The following ADGRG4 variants were observed in gnomAD, a reference collection of about 807,000 sequenced individuals.
ADGRG4 encodes G protein-coupled receptor 112.
A neutral mutation model predicts 126.2 loss-of-function variants in ADGRG4; 122 were observed. The observed-to-expected ratio is 0.97, with a 90% CI of 0.83 to 1.12. ADGRG4 has a LOEUF of 1.12. Ranked by LOEUF, ADGRG4 falls within the 50% of genes most tolerant of loss-of-function variation. The pLI, the probability that ADGRG4 is intolerant of heterozygous loss-of-function variation, is 0.00. For synonymous variants in ADGRG4, 943 were observed against 838.7 expected (o/e 1.12, Z -2.15); for missense variants, 2,481 against 2,251.8 (o/e 1.10, Z -2.06).
intron 13 of ADGRG4, among the ~76,000 whole-genome samples, chrX:136,364,273 G>A (rs917988027): frequency 9.0e-6 from 1 of 111,059 alleles, no homozygotes; most frequent in Non-Finnish European, 1.9e-5. Flanking sequence ...ACTATCCACA[G>A]AGATATTTTA....
chrX:136,403,156 T>C (rs1434213744), intron 21 of ADGRG4, 88 bp from the exon 22 acceptor site: 1 of 644,315 alleles, frequency 1.6e-6, no homozygotes, highest in Non-Finnish European at 2.6e-6. Context: ...ATTTAAACAG[T>C]GTCTTAATGT....
chrX:136,313,564 G>A (rs2074786937), intron 4 of ADGRG4, among the ~76,000 whole-genome samples: 1 of 111,848 alleles, frequency 8.9e-6, no homozygotes, highest in Non-Finnish European at 1.9e-5. Flanking sequence ...TAGCACATTT[G>A]TCTAGCATAG....
At position 136,348,154 on chromosome X, in the gene ADGRG4, A is replaced by G; in HGVS notation, c.4448A>G (p.Asp1483Gly). 3 of 1,209,580 alleles carry G rather than the reference A, an allele frequency of 2.5e-6. No individual in the cohort carries two copies. In the Admixed American group the frequency reaches 6.5e-5, roughly 26 times the overall value. ...AATGACGGTTTTACAGTTCTCTCCGACAGGATCACTACAGCCTTTTCTGTT... is the reference window on the plus strand; with the variant it reads ...AATGACGGTTTTACAGTTCTCTCCGGCAGGATCACTACAGCCTTTTCTGTT... The part of the protein sequence containing the change: ...LYNDGFTVLS[D>G]RITTAFSVPN... Residue 1483 changes from aspartate (D) to glycine (G), a missense_variant, in exon 6 of 26, where the codon GAC becomes GGC. Coordinates refer to ENST00000394143, the MANE Select transcript of ADGRG4 (RefSeq NM_153834.4).
At chrX:136,329,001 T>C (rs1391665984) in intron 5 of ADGRG4, among the ~76,000 whole-genome samples, 2 of 111,243 alleles carry the variant, frequency 1.8e-5, no homozygotes, top group Non-Finnish European at 3.8e-5. Flanking sequence ...GCAGCATTCG[T>C]TTTTCATGCT....
chrX:136,354,815 G>A (rs775901460), intron 8 of ADGRG4, among the ~76,000 whole-genome samples: 2 of 111,633 alleles, frequency 1.8e-5, no homozygotes, highest in East Asian at 5.6e-4. Context: ...CAGAAGATAC[G>A]AATGAAGAGA....
In ADGRG4 at chrX:136,323,368, A is replaced by G. The variant is rs145079154; in HGVS notation, c.661A>G (p.Thr221Ala). Residue 221 changes from threonine (T) to alanine (A), a missense_variant, in exon 5 of 26, where the codon ACT (threonine) becomes GCT (alanine). Physicochemically the swap from Thr to Ala is moderately conservative, Grantham distance 58. Transcript: ENST00000394143. ...CTGGCTTGTCAACAAGATCATCCCA[A>G]CTGTTGACAGGACACTGCGCTGCTG... ...DVWLVNKIIP[T>A]VDRTLRCFVP... is the part of the protein sequence containing the mutation. 177 of 1,206,729 alleles carry G rather than the reference A, an allele frequency of 1.5e-4. No homozygotes were observed. Among genetic ancestry groups the G allele is most frequent in the Non-Finnish European group, 1.5e-4 (133 of 893,642 alleles).
chrX:136,353,560 A>G (rs1261715457), intron 8 of ADGRG4, among the ~76,000 whole-genome samples, 159 bp downstream of exon 8: 1 of 111,338 alleles, frequency 9.0e-6, no homozygotes, highest in African/African-American at 3.3e-5. Flanking sequence ...TGGCATGAGG[A>G]AAAAAATTGT....
intron 15 of ADGRG4, among the ~76,000 whole-genome samples, chrX:136,374,316 T>A (rs1453692631): frequency 8.9e-6 from 1 of 111,804 alleles, no homozygotes; most frequent in East Asian, 2.8e-4. Context: ...TTATGAATAA[T>A]CCTGCTATGA....
chrX:136,395,975 A>C (rs2075344854), intron 19 of ADGRG4, among the ~76,000 whole-genome samples: 1 of 111,610 alleles, frequency 9.0e-6, no homozygotes, highest in African/African-American at 3.3e-5. Context: ...TAACACAATA[A>C]ATTTAACTAA....
chrX:136,411,783 T>A (rs1407840992), intron 23 of ADGRG4, among the ~76,000 whole-genome samples: 1 of 112,304 alleles, frequency 8.9e-6, no homozygotes, highest in Admixed American at 9.4e-5. Flanking sequence ...GGTTGTGGAC[T>A]GGAAGCCTCA....
intron 11 of ADGRG4, among the ~76,000 whole-genome samples, chrX:136,359,671 C>T (rs1006964844): frequency 3.6e-5 from 4 of 110,777 alleles, no homozygotes; most frequent in Admixed American, 2.9e-4. Context: ...CCAGAGACTG[C>T]TGGTCAGCTC....
chrX:136,377,167 C>CTTTTTTTT (rs1184343263), intron 15 of ADGRG4, among the ~76,000 whole-genome samples: 356 of 48,572 alleles, frequency 7.3e-3, no homozygotes, highest in Middle Eastern at 0.05. Context: ...GTTTTCTTTC[C>CTTTTTTTT]TTTTTTTTTT....
intron 15 of ADGRG4, among the ~76,000 whole-genome samples, chrX:136,383,512 T>A (rs927458992): frequency 8.9e-6 from 1 of 112,146 alleles, no homozygotes; most frequent in Non-Finnish European, 1.9e-5. Flanking sequence ...ATATTTTATA[T>A]TCATTTGCTT....
chrX:136,385,828 T>C (rs1301076269), intron 15 of ADGRG4, among the ~76,000 whole-genome samples: 1 of 112,151 alleles, frequency 8.9e-6, no homozygotes, highest in Non-Finnish European at 1.9e-5. Context: ...TTAATTCCTT[T>C]ATTCTTAGTG....
At chrX:136,373,281 C>G (rs1312429769) in intron 15 of ADGRG4, among the ~76,000 whole-genome samples, 1 of 111,896 alleles carries the variant, frequency 8.9e-6, no homozygotes, top group African/African-American at 3.2e-5. Context: ...CACCTTTGGC[C>G]CTGTGACCCC....
rs778979077 is a variant in ADGRG4 at position 136,376,528 on chromosome X, T to C, written c.7776+3464T>C. ...GATTCTTTCCATCATGAGCAAGGGA[T>C]GTGTTTCCATTTGTTTGTGTCATCT... On this transcript the variant is annotated intron_variant, in intron 15 of 25. Transcript: ENST00000394143. Among the ~76,000 whole-genome samples, 121 of 112,082 alleles carry C rather than the reference T, an allele frequency of 1.1e-3. 2 individuals carry two copies. Among genetic ancestry groups the C allele is most frequent in the African/African-American group, 3.8e-3 (116 of 30,905 alleles).
At chrX:136,397,080 C>T (rs1327719833) in intron 19 of ADGRG4, among the ~76,000 whole-genome samples, 1 of 111,259 alleles carries the variant, frequency 9.0e-6, no homozygotes, top group African/African-American at 3.3e-5. Context: ...TGAGCCACCC[C>T]GCCCGGCCCC....
rs2075406520 is a variant in ADGRG4 at position 136,405,983 on chromosome X, C to CT, written c.8935+17dup. 15 of 1,124,556 alleles carry CT rather than the reference C, an allele frequency of 1.3e-5. No individual in the cohort carries two copies. Among genetic ancestry groups the CT allele is most frequent in the African/African-American group, 1.1e-4 (6 of 54,706 alleles). 92.7% of individuals were successfully genotyped at this position (1,124,556 alleles called of 1,213,427 possible). On this transcript the variant is annotated intron_variant, in intron 23 of 25. Transcript: ENST00000394143. ...TTAACACTTTGCAAGGTAACTGGTGCTTTTTTGCCTTTTCTGTGGCCAGCT... is the reference window on the plus strand; with the variant it reads ...TTAACACTTTGCAAGGTAACTGGTGCTTTTTTTGCCTTTTCTGTGGCCAGCT...
At position 136,371,581 on chromosome X, in the gene ADGRG4, A is replaced by T. The variant is rs781749371; in HGVS notation, c.7613+37A>T. 340 of 851,929 alleles carry T rather than the reference A, an allele frequency of 4.0e-4. 1 individual carries two copies. Among genetic ancestry groups the T allele is most frequent in the Non-Finnish European group, 4.2e-4 (260 of 616,182 alleles). The allele number at this position is 851,929 out of a possible 1,213,427, so 70.2% of individuals were successfully genotyped here. A position where few individuals can be genotyped will look rare whatever the true frequency, so the allele number is the denominator to read the frequency against. On this transcript the variant is annotated intron_variant, in intron 14 of 25. Coordinates refer to ENST00000394143, the MANE Select transcript of ADGRG4 (RefSeq NM_153834.4). ...TACTTTGGTGAAAGACATTATTTTTAAAAAATTTAAAATGCAGACGGCCCT... is the reference window on the plus strand; with the variant it reads ...TACTTTGGTGAAAGACATTATTTTTTAAAAATTTAAAATGCAGACGGCCCT...
Sources: allele counts gnomAD v4.1 joint callset (sites outside exome capture counted in the v4.1 genomes callset), GRCh38; gene constraint gnomAD v4.1.1; transcripts MANE v1.5; gene names NCBI Gene and HGNC (gene_info 2026-07-23, HGNC 2026-07-21).